The following SPOCK1 variants were observed in gnomAD, a reference collection of about 807,000 sequenced individuals.
SPOCK1 encodes the protein testican-1.
Under a neutral mutation model 55.3 loss-of-function variants are expected in SPOCK1, and 23 were observed. The ratio of observed to expected loss-of-function variants is 0.42; its 90% CI spans 0.30 to 0.59. The LOEUF (loss-of-function observed/expected upper bound fraction) is 0.59. Ranked by LOEUF, SPOCK1 falls within the 20% of genes least tolerant of loss-of-function variation. The pLI, the probability that SPOCK1 is intolerant of heterozygous loss-of-function variation, is 0.22. For synonymous variants in SPOCK1, 226 were observed against 221.0 expected (o/e 1.02, Z -0.20); for missense variants, 499 against 552.5 (o/e 0.90, Z 0.97).
At chr5:137,205,953 G>C (rs113335590) in intron 3 of SPOCK1, among the ~76,000 whole-genome samples, 33 of 152,164 alleles carry the variant, frequency 2.2e-4, no homozygotes, top group African/African-American at 6.8e-4. Flanking sequence ...TAGACACAAA[G>C]AGAGGTCAAC....
chr5:137,089,065 G>T (rs1419034154), intron 5 of SPOCK1, among the ~76,000 whole-genome samples: 1 of 152,164 alleles, frequency 6.6e-6, no homozygotes, highest in African/African-American at 2.4e-5. Flanking sequence ...CTGAGCAGGA[G>T]AATGGAGGAG....
At chr5:137,427,787 T>G (rs769215043) in intron 2 of SPOCK1, among the ~76,000 whole-genome samples, 7 of 151,818 alleles carry the variant, frequency 4.6e-5, no homozygotes, top group Non-Finnish European at 1.0e-4. Context: ...TGGGTGGCTG[T>G]AGTCCCAGCT....
chr5:137,300,442 G>T (rs1757568010), intron 2 of SPOCK1, among the ~76,000 whole-genome samples: 1 of 152,134 alleles, frequency 6.6e-6, no homozygotes, highest in South Asian at 2.1e-4. Flanking sequence ...GTATTGTATA[G>T]AACATACTGT....
At chr5:137,447,642 C>G (rs1042373047) in intron 2 of SPOCK1, among the ~76,000 whole-genome samples, 7 of 152,132 alleles carry the variant, frequency 4.6e-5, no homozygotes, top group African/African-American at 1.7e-4. Flanking sequence ...ACCACCATAC[C>G]TACCACCTCT....
At chr5:137,140,505 C>A in intron 4 of SPOCK1, 75 bp downstream of exon 4, 1 of 1,296,260 alleles carries the variant, frequency 7.7e-7, no homozygotes, top group Non-Finnish European at 1.1e-6. Context: ...ATCCCCACGT[C>A]AAAGACTGGA....
At chr5:137,276,049 C>T (rs1757060809) in intron 2 of SPOCK1, among the ~76,000 whole-genome samples, 1 of 152,224 alleles carries the variant, frequency 6.6e-6, no homozygotes, top group South Asian at 2.1e-4. Flanking sequence ...TCACATCACC[C>T]TCCTGCTTAA....
intron 2 of SPOCK1, among the ~76,000 whole-genome samples, chr5:137,317,985 T>A (rs1020238635): frequency 1.3e-5 from 2 of 152,214 alleles, no homozygotes; most frequent in African/African-American, 2.4e-5. Flanking sequence ...ACAAATACTT[T>A]TAATTTGATT....
At chr5:137,388,271 A>C (rs1299693388) in intron 2 of SPOCK1, among the ~76,000 whole-genome samples, 1 of 152,170 alleles carries the variant, frequency 6.6e-6, no homozygotes, top group Admixed American at 6.5e-5. Context: ...GCTAGATGCT[A>C]ACTGAAAGCA....
chr5:137,421,951 A>T (rs1429402366), intron 2 of SPOCK1, among the ~76,000 whole-genome samples: 1 of 152,004 alleles, frequency 6.6e-6, no homozygotes, highest in South Asian at 2.1e-4. Flanking sequence ...GTTCCTTTCC[A>T]TGTTTAGTGC....
At chr5:137,159,928 C>A (rs1054387472) in intron 3 of SPOCK1, among the ~76,000 whole-genome samples, 1 of 152,054 alleles carries the variant, frequency 6.6e-6, no homozygotes, top group Non-Finnish European at 1.5e-5. Context: ...GGAAATCTGG[C>A]ATCTTTTCTT....
At chr5:137,395,985 C>G (rs546902275) in intron 2 of SPOCK1, among the ~76,000 whole-genome samples, 2 of 152,346 alleles carry the variant, frequency 1.3e-5, no homozygotes, top group South Asian at 2.1e-4. Context: ...AACTCTGAAT[C>G]TCTCTCCAAC....
chr5:137,058,089 G>C (rs552525080), intron 6 of SPOCK1, among the ~76,000 whole-genome samples: 1 of 152,356 alleles, frequency 6.6e-6, no homozygotes, highest in Non-Finnish European at 1.5e-5. Flanking sequence ...TATATTCTCT[G>C]AGTACCGAAA....
intron 3 of SPOCK1, among the ~76,000 whole-genome samples, chr5:137,248,468 G>A (rs1197947692): frequency 6.6e-6 from 1 of 152,166 alleles, no homozygotes. Context: ...GAAGCAGAAG[G>A]CAGAAGCAAC....
intron 2 of SPOCK1, among the ~76,000 whole-genome samples, chr5:137,317,548 G>A (rs1043002196): frequency 3.3e-5 from 5 of 152,112 alleles, no homozygotes; most frequent in African/African-American, 7.2e-5. Flanking sequence ...AAATTCTAAC[G>A]GTGTACACAG....
intron 2 of SPOCK1, among the ~76,000 whole-genome samples, chr5:137,426,490 C>A (rs1014941668): frequency 6.6e-6 from 1 of 152,238 alleles, no homozygotes; most frequent in East Asian, 1.9e-4. Context: ...TTACCTGAAG[C>A]AATCTTGATG....
At chr5:137,382,527 C>T (rs1273722053) in intron 2 of SPOCK1, among the ~76,000 whole-genome samples, 1 of 152,158 alleles carries the variant, frequency 6.6e-6, no homozygotes, top group Non-Finnish European at 1.5e-5. Context: ...GTTCTATAGG[C>T]TTAACAGGAA....
At chr5:137,096,208 G>A (rs1281063996) in intron 5 of SPOCK1, among the ~76,000 whole-genome samples, 4 of 151,772 alleles carry the variant, frequency 2.6e-5, no homozygotes, top group Non-Finnish European at 5.9e-5. Flanking sequence ...CTCTGAAATT[G>A]CTCAGCAGTA....
At chr5:137,196,283 C>G (rs1419553264) in intron 3 of SPOCK1, among the ~76,000 whole-genome samples, 1 of 152,158 alleles carries the variant, frequency 6.6e-6, no homozygotes, top group South Asian at 2.1e-4. Flanking sequence ...CCAAACCATT[C>G]CCCACATGGC....
rs76269125 is a variant in SPOCK1, at chr5:137,051,067, A to G, written c.589+16648T>C. On this transcript the variant is annotated intron_variant, in intron 6 of 10. Coordinates refer to ENST00000394945, the MANE Select transcript of SPOCK1 (RefSeq NM_004598.4). ...TCAAAATGATTTTGAATATCGTCGG[A>G]GAGAATAGATAAGAATACCCATGAA... 4.8e-3 allele frequency among the ~76,000 whole-genome samples: 725 copies of G among 152,350 alleles called. 4 individuals are homozygous for G. Among genetic ancestry groups the G allele is most frequent in the African/African-American group, 0.017 (689 of 41,582 alleles).
Sources: gnomAD v4.1 joint callset for allele counts (sites outside exome capture counted in the v4.1 genomes callset) on GRCh38, gnomAD v4.1.1 for gene constraint, MANE v1.5 for transcripts, NCBI Gene and HGNC (gene_info 2026-07-23, HGNC 2026-07-21) for gene names.